The following SCAF8 variants were observed in gnomAD, a reference collection of about 807,000 sequenced individuals.
SCAF8 encodes SR-related CTD associated factor 8.
Under a neutral mutation model 140.5 loss-of-function variants are expected in SCAF8, and 23 were observed. That is an observed-to-expected ratio of 0.16 (90% CI 0.12 to 0.23). The LOEUF (loss-of-function observed/expected upper bound fraction) is 0.23. SCAF8 is among the 10% of genes least tolerant of loss of function. SCAF8 has a pLI of 1.00. For missense variants in SCAF8, 1,397 were observed against 1,555.7 expected (o/e 0.90, Z 1.72); for synonymous variants, 575 against 528.9 (o/e 1.09, Z -1.20).
intron 1 of SCAF8, among the ~76,000 whole-genome samples, chr6:154,764,015 A>G (rs1315590479): frequency 6.6e-6 from 1 of 152,204 alleles, no homozygotes; most frequent in African/African-American, 2.4e-5. Flanking sequence ...GATCTTGATT[A>G]GAGATAAGTT....
chr6:154,798,586 A>G (rs1033537906), intron 6 of SCAF8, among the ~76,000 whole-genome samples: 5 of 151,218 alleles, frequency 3.3e-5, no homozygotes, highest in Non-Finnish European at 5.9e-5. Flanking sequence ...CTAACTCACC[A>G]CCTCTATCAC....
At position 154,754,835 on chromosome 6, in the gene SCAF8, T is replaced by A. The variant is rs140366304; in HGVS notation, c.31-19154T>A. On this transcript the variant is annotated intron_variant, in intron 1 of 19. Transcript: ENST00000367178. Reference sequence around the variant, plus strand: ...CTCTTCAGAAATTACTTGTATTTTTTAATTTTCTCTTTTGGGATTCAGTCT... The same window carrying A: ...CTCTTCAGAAATTACTTGTATTTTTAAATTTTCTCTTTTGGGATTCAGTCT... Among the ~76,000 whole-genome samples the A allele has an allele frequency of 6.2e-3, 950 of 152,358 alleles. 12 individuals are homozygous for A. The highest frequency in any genetic ancestry group is 0.022 in the African/African-American group (904 of 41,590).
rs76233539 is a variant in SCAF8 at position 154,794,530 on chromosome 6, TTTA to T, written c.476-472_476-470del. On this transcript the variant is annotated intron_variant, in intron 5 of 19. Transcript: ENST00000367178. The stretch of plus-strand genomic sequence containing the variant: ...TCACATAACTTTTTTCACAGTATAG[TTTA>T]TTATTAGTTAGTGTTGTTAATCTCT... 4.9e-3 allele frequency among the ~76,000 whole-genome samples: 748 copies of T among 152,150 alleles called. 3 individuals are homozygous for T. The highest frequency in any genetic ancestry group is 8.7e-3 in the Non-Finnish European group (591 of 68,010).
chr6:154,767,498 CTT>C (rs1776612402), intron 1 of SCAF8, among the ~76,000 whole-genome samples: 2 of 142,630 alleles, frequency 1.4e-5, no homozygotes, highest in Admixed American at 7.0e-5. Context: ...TGTGTTGCCT[CTT>C]GTTTGGCAGA....
chr6:154,776,891 A>G (rs1361240378), intron 2 of SCAF8, among the ~76,000 whole-genome samples: 1 of 152,174 alleles, frequency 6.6e-6, no homozygotes, highest in Non-Finnish European at 1.5e-5. Context: ...GAAGAAAAGT[A>G]TAAAGAAGGC....
At position 154,733,636 on chromosome 6, in the gene SCAF8, G is replaced by A. The variant is rs557995556; in HGVS notation, c.-265G>A. On this transcript the variant is annotated 5_prime_UTR_variant, in exon 1 of 20. Transcript: ENST00000367178. The stretch of plus-strand genomic sequence containing the variant: ...CCGCGGCCCAGCCCCTCCCCCGCCC[G>A]CCGCCGACCCGCCCCGGCAGCGCCT... The A allele has an allele frequency of 7.0e-5, 70 of 1,000,190 alleles. No individual in the cohort carries two copies. The African/African-American group carries it at 1.2e-3, about 18-fold the overall frequency. 62.0% of individuals were successfully genotyped at this position (1,000,190 alleles called of 1,614,324 possible).
intron 4 of SCAF8, among the ~76,000 whole-genome samples, chr6:154,791,073 TA>T (rs1397339223): frequency 1.3e-5 from 2 of 152,204 alleles, no homozygotes; most frequent in African/African-American, 4.8e-5. Context: ...AGAAGCAAGG[TA>T]TAATAGATGG....
At chr6:154,741,876 G>GC (rs1254223122) in intron 1 of SCAF8, 1 of 890,178 alleles carries the variant, frequency 1.1e-6, no homozygotes, top group Non-Finnish European at 1.8e-6. Flanking sequence ...TTGAACACTG[G>GC]CTGAGCTCCT....
chr6:154,752,390 A>G (rs2114809517), intron 1 of SCAF8, among the ~76,000 whole-genome samples: 1 of 152,246 alleles, frequency 6.6e-6, no homozygotes, highest in East Asian at 1.9e-4. Context: ...TTTCCTGACT[A>G]CCTCTCAGTT....
intron 12 of SCAF8, among the ~76,000 whole-genome samples, chr6:154,812,176 C>CTTT (rs67493657): frequency 5.3e-4 from 56 of 106,388 alleles, no homozygotes; most frequent in Non-Finnish European, 7.1e-4. Flanking sequence ...AAGATACTGC[C>CTTT]TTTTTTTTTT....
chr6:154,734,021 G>A lies in SCAF8; in HGVS notation c.30+91G>A, dbSNP rs982317153. On this transcript the variant is annotated intron_variant, in intron 1 of 19. Transcript: ENST00000367178. ...GCCCGGAGGGTGGGCGCGGGCCTGC[G>A]GGTTTTTTAAGGGTGGGGTGAGCGG... 2.8e-6 allele frequency: 4 copies of A among 1,422,562 alleles called. No individual in the cohort carries two copies. In the Admixed American group the frequency reaches 9.2e-5, roughly 33 times the overall value. The allele number at this position is 1,422,562 out of a possible 1,614,324, so 88.1% of individuals were successfully genotyped here. A position where few individuals can be genotyped will look rare whatever the true frequency, so the allele number is the denominator to read the frequency against.
chr6:154,755,952 A>G (rs552150533), intron 1 of SCAF8, among the ~76,000 whole-genome samples: 15 of 152,326 alleles, frequency 9.8e-5, no homozygotes, highest in African/African-American at 3.1e-4. Context: ...TTATAAATGT[A>G]AATAGCCTGG....
intron 1 of SCAF8, among the ~76,000 whole-genome samples, chr6:154,752,105 C>G (rs1778852089): frequency 6.6e-6 from 1 of 152,158 alleles, no homozygotes; most frequent in Non-Finnish European, 1.5e-5. Flanking sequence ...TACTTTGTGA[C>G]TACTACATTT....
At chr6:154,819,635 G>C (rs1778356185) in intron 14 of SCAF8, among the ~76,000 whole-genome samples, 1 of 151,684 alleles carries the variant, frequency 6.6e-6, no homozygotes, top group African/African-American at 2.4e-5. Flanking sequence ...CATGTAGGTT[G>C]ACATTTTTAT....
chr6:154,796,781 G>A (rs1337834569), intron 6 of SCAF8, among the ~76,000 whole-genome samples: 1 of 152,012 alleles, frequency 6.6e-6, no homozygotes, highest in African/African-American at 2.4e-5. Flanking sequence ...AAGACTAGCC[G>A]GGCCAACGTG....
intron 14 of SCAF8, among the ~76,000 whole-genome samples, chr6:154,819,741 T>G (rs911085703): frequency 6.6e-6 from 1 of 152,206 alleles, no homozygotes; most frequent in Admixed American, 6.5e-5. Context: ...CTATGTCTAA[T>G]GTAAGTTTTA....
rs763052106 is a variant in SCAF8 at position 154,832,079 on chromosome 6, G to C, written c.2500G>C (p.Val834Leu). The C allele has an allele frequency of 9.9e-6, 16 of 1,614,066 alleles. No homozygotes were observed. Among genetic ancestry groups the C allele is most frequent in the Non-Finnish European group, 1.3e-5 (15 of 1,179,990 alleles). The change falls in exon 20 of 20, where the codon GTT becomes CTT. Residue 834 changes from valine (V) to leucine (L), a missense_variant. Transcript: ENST00000367178. ...SEILGVRPSN[V>L]SSSSGIIAAQ... is the part of the protein sequence containing the mutation. The stretch of plus-strand genomic sequence containing the variant: ...AATTCTTGGGGTCCGGCCATCTAAT[G>C]TTTCCAGTAGTTCTGGGATTATTGC...
chr6:154,801,744 T>C (rs1777776884), intron 6 of SCAF8, among the ~76,000 whole-genome samples: 1 of 151,492 alleles, frequency 6.6e-6, no homozygotes, highest in Admixed American at 6.6e-5. Flanking sequence ...CACAGATCAC[T>C]TTATTTTGTT....
chr6:154,829,676 G>A (rs1481418337), intron 18 of SCAF8, among the ~76,000 whole-genome samples: 1 of 152,176 alleles, frequency 6.6e-6, no homozygotes, highest in Non-Finnish European at 1.5e-5. Flanking sequence ...GGAGGCTGAG[G>A]TGGGTGGATC....
Sources: allele counts gnomAD v4.1 joint callset (sites outside exome capture counted in the v4.1 genomes callset), GRCh38; gene constraint gnomAD v4.1.1; transcripts MANE v1.5; gene names NCBI Gene and HGNC (gene_info 2026-07-23, HGNC 2026-07-21).